The following NFASC variants were observed in gnomAD, a reference collection of about 807,000 sequenced individuals.
NFASC encodes neurofascin homolog.
NFASC carries 43 observed loss-of-function variants against 147.5 expected under a neutral mutation model. That is an observed-to-expected ratio of 0.29 (90% CI 0.23 to 0.38). The LOEUF (loss-of-function observed/expected upper bound fraction) is 0.38, where lower values mean the gene tolerates loss of function less well. Among genes scored for constraint, NFASC ranks in the 10% least tolerant of loss-of-function variants. The pLI is 1.00. For synonymous variants in NFASC, 622 were observed against 665.5 expected, an observed-to-expected ratio of 0.93 and a Z score of 1.01; for missense variants, 1,320 against 1,689.0, an observed-to-expected ratio of 0.78 and a Z score of 3.83.
chr1:204,905,001 C>T (rs2085488158), intron 1 of NFASC, among the ~76,000 whole-genome samples: 1 of 152,162 alleles, frequency 6.6e-6, no homozygotes, highest in Non-Finnish European at 1.5e-5. Context: ...CTTATGATTC[C>T]CTCGCCACCA....
chr1:204,831,932 G>A (rs1672319591), intron 1 of NFASC, among the ~76,000 whole-genome samples: 1 of 152,184 alleles, frequency 6.6e-6, no homozygotes, highest in African/African-American at 2.4e-5. Flanking sequence ...AGAGCATCCG[G>A]ATAGGGATGT....
intron 25 of NFASC, chr1:205,000,887 C>A: frequency 4.1e-6 from 2 of 489,864 alleles, no homozygotes; most frequent in Non-Finnish European, 7.4e-6. Flanking sequence ...TATGTGGACA[C>A]AGTCAGTTTC....
intron 1 of NFASC, among the ~76,000 whole-genome samples, chr1:204,870,247 G>A (rs1306853839): frequency 3.3e-5 from 5 of 152,202 alleles, no homozygotes; most frequent in Non-Finnish European, 7.4e-5. Context: ...TGTGTAATGG[G>A]CTGTCAAGTG....
At chr1:204,955,001 G>A in intron 7 of NFASC, 50 bp downstream of exon 7, 3 of 1,603,778 alleles carry the variant, frequency 1.9e-6, no homozygotes, top group East Asian at 2.2e-5. Context: ...CTTAGGGGGT[G>A]GGGTGGGTGT....
chr1:204,977,211 C>T, intron 16 of NFASC: 1 of 790,330 alleles, frequency 1.3e-6, no homozygotes. Flanking sequence ...CGCTCCATCC[C>T]TGGGTTTTGG....
chr1:204,845,876 G>T (rs1676887013), intron 1 of NFASC, among the ~76,000 whole-genome samples: 1 of 151,894 alleles, frequency 6.6e-6, no homozygotes, highest in South Asian at 2.1e-4. Context: ...CACACCGCGT[G>T]TGTGGTAGGC....
At chr1:204,852,853 G>C (rs2075818125) in intron 1 of NFASC, among the ~76,000 whole-genome samples, 1 of 152,344 alleles carries the variant, frequency 6.6e-6, no homozygotes, top group Middle Eastern at 3.4e-3. Flanking sequence ...TGTGTCTTCA[G>C]TGACATGAGA....
At chr1:204,942,920 T>C (rs2093458248) in intron 2 of NFASC, among the ~76,000 whole-genome samples, 1 of 152,134 alleles carries the variant, frequency 6.6e-6, no homozygotes, top group Admixed American at 6.5e-5. Flanking sequence ...TGACCTGCTT[T>C]TTGCTCCAGG....
Position 204,987,311 on chromosome 1 carries a change from G to A in NFASC, c.2471-107G>A. 2 of 1,076,416 alleles carry A rather than the reference G, an allele frequency of 1.9e-6. No individual in the cohort carries two copies. Among genetic ancestry groups the A allele is most frequent in the Non-Finnish European group, 2.7e-6 (2 of 730,702 alleles). 66.7% of individuals were successfully genotyped at this position (1,076,416 alleles called of 1,614,324 possible). On this transcript the variant is annotated intron_variant, in intron 21 of 29. Coordinates refer to ENST00000339876, the MANE Select transcript of NFASC (RefSeq NM_001005388.3). The surrounding 1 kb of genome is among the most constrained non-coding windows in gnomAD (Gnocchi z 4.4). ...CAGTTTAGCAGTGTCGAGCATGGGGGTTGTCCAGAGGTCAATGCCTTCATA... is the reference window on the plus strand; with the variant it reads ...CAGTTTAGCAGTGTCGAGCATGGGGATTGTCCAGAGGTCAATGCCTTCATA...
chr1:204,923,416 C>G (rs1400486700), intron 2 of NFASC, among the ~76,000 whole-genome samples: 3 of 152,160 alleles, frequency 2.0e-5, no homozygotes, highest in Admixed American at 2.0e-4. Flanking sequence ...TACGTCCACT[C>G]CTTGTCACCT....
chr1:204,997,349 A>G lies in NFASC; in HGVS notation c.2962A>G (p.Thr988Ala), dbSNP rs2095867214. The G allele has an allele frequency of 3.9e-6, 6 of 1,558,068 alleles. No homozygotes were observed. The highest frequency in any genetic ancestry group is 1.2e-5 in the South Asian group (1 of 85,324). ...ATTTTTTAAA[T>A]TTTESPPTTT... ...AACTACTACAACCACTGCTGCCGCC[A>G]CCACCACCACGGAGAGTCCTCCCAC... is the stretch of plus-strand genomic sequence containing the variant. Residue 988 changes from threonine to alanine, a missense_variant, in exon 25 of 30, where the codon ACC becomes GCC. Around this residue, in one of 3 missense-constraint regions of NFASC, gnomAD observed 172 missense variants for 165.8 expected, o/e 1.04. Transcript: ENST00000339876.
rs1029596196 is a variant in NFASC at position 205,021,522 on chromosome 1, G to A, written c.*4983G>A. 1.3e-5 allele frequency: 2 copies of A among 152,806 alleles called. No homozygotes were observed. Among genetic ancestry groups the A allele is most frequent in the African/African-American group, 4.8e-5 (2 of 41,438 alleles). 9.5% of individuals were successfully genotyped at this position (152,806 alleles called of 1,614,324 possible). A position where few individuals can be genotyped will look rare whatever the true frequency, so the allele number is the denominator to read the frequency against. ...GCTGATCTCATTGAAATGATCTATC[G>A]TACAGACAAGGATATGCAAATCCAC... On this transcript the variant is annotated 3_prime_UTR_variant, in exon 30 of 30. Transcript: ENST00000339876.
rs189447869 is a variant in NFASC, at chr1:205,014,676, C to G, written c.3492-1632C>G. 6.6e-5 allele frequency among the ~76,000 whole-genome samples: 10 copies of G among 152,288 alleles called. No homozygotes were observed. The East Asian group carries it at 1.9e-3, about 30-fold the overall frequency. Reference sequence around the variant, plus strand: ...CTTTTCAGACCTAGATCCCCCGTCCCCTCAACAGCCTGGCATGCTACAGAT... The same window carrying G: ...CTTTTCAGACCTAGATCCCCCGTCCGCTCAACAGCCTGGCATGCTACAGAT... On this transcript the variant is annotated intron_variant, in intron 29 of 29. Transcript: ENST00000339876.
At chr1:204,921,879 T>C (rs2090559322) in intron 2 of NFASC, among the ~76,000 whole-genome samples, 1 of 152,130 alleles carries the variant, frequency 6.6e-6, no homozygotes, top group Non-Finnish European at 1.5e-5. Flanking sequence ...TGTGGGCCCT[T>C]TAGGGCCACC....
chr1:204,856,835 T>C (rs1203491577), intron 1 of NFASC, among the ~76,000 whole-genome samples: 1 of 152,252 alleles, frequency 6.6e-6, no homozygotes, highest in Non-Finnish European at 1.5e-5. Flanking sequence ...TTCATCCACA[T>C]TGCGGCATGC....
chr1:204,946,188 C>G (rs565434917), intron 3 of NFASC: 14 of 402,094 alleles, frequency 3.5e-5, no homozygotes, highest in Admixed American at 2.8e-4. Flanking sequence ...CAAGCCTTTG[C>G]TAGCTTAGAG....
Position 204,828,664 on chromosome 1 carries a change from G to T in NFASC, c.-318G>T, listed in dbSNP as rs1671302291. 2 of 985,296 alleles carry T rather than the reference G, an allele frequency of 2.0e-6. No individual in the cohort carries two copies. Among genetic ancestry groups the T allele is most frequent in the African/African-American group, 3.5e-5 (2 of 57,298 alleles). 61.0% of individuals were successfully genotyped at this position (985,296 alleles called of 1,614,324 possible). ...GCCGCCCGGGGACGCGCACGGGCTG[G>T]TCTCTGCCCTAATGCGGCGGCTGGC... On this transcript the variant is annotated 5_prime_UTR_variant, in exon 1 of 30. Transcript: ENST00000339876.
At chr1:204,994,712 G>A (rs1340379062) in intron 24 of NFASC, among the ~76,000 whole-genome samples, 4 of 152,190 alleles carry the variant, frequency 2.6e-5, no homozygotes, top group Non-Finnish European at 2.9e-5. Flanking sequence ...CTAGAGTGCA[G>A]TGGCTTGATC....
At chr1:205,005,153 G>T (rs1435385048) in intron 27 of NFASC, among the ~76,000 whole-genome samples, 8 of 152,254 alleles carry the variant, frequency 5.3e-5, no homozygotes, top group Admixed American at 1.3e-4. Flanking sequence ...GGCCAGGATG[G>T]GGCAAGGGGT....
Sources: gnomAD v4.1 joint callset for allele counts (sites outside exome capture counted in the v4.1 genomes callset) on GRCh38, gnomAD v4.1.1 for gene constraint, gnomAD v4.1.1 regional missense constraint, Gnocchi (gnomAD v3.1) non-coding constraint, MANE v1.5 for transcripts, NCBI Gene and HGNC (gene_info 2026-07-23, HGNC 2026-07-21) for gene names.